Variants in EPC1 observed in about 807,000 individuals in gnomAD.
EPC1 encodes enhancer of polycomb 1, also known as enhancer of polycomb homolog 1.
EPC1 carries 12 observed loss-of-function variants against 98.4 expected under a neutral mutation model. The ratio of observed to expected loss-of-function variants is 0.12; its 90% CI spans 0.08 to 0.20. The LOEUF (loss-of-function observed/expected upper bound fraction) is 0.20, where lower values mean the gene tolerates loss of function less well. EPC1 is among the 10% of genes least tolerant of loss of function. The pLI, the probability that EPC1 is intolerant of heterozygous loss-of-function variation, is 1.00. For synonymous variants in EPC1, 357 were observed against 363.9 expected (o/e 0.98, Z 0.21); for missense variants, 729 against 990.5 (o/e 0.74, Z 3.54).
At chr10:32,274,365 T>C (rs763886447) in intron 10 of EPC1, among the ~76,000 whole-genome samples, 3 of 152,172 alleles carry the variant, frequency 2.0e-5, no homozygotes, top group African/African-American at 4.8e-5. Flanking sequence ...TTAGTTAGAA[T>C]ATCACTTCAA....
intron 1 of EPC1, among the ~76,000 whole-genome samples, chr10:32,336,312 C>A (rs201523079): frequency 1.4e-5 from 2 of 143,760 alleles, no homozygotes; most frequent in African/African-American, 2.5e-5. Context: ...TCGTGATCCA[C>A]CTGCCTCGGC....
chr10:32,348,366 G>T (rs943876038), upstream of EPC1, among the ~76,000 whole-genome samples: 5 of 152,064 alleles, frequency 3.3e-5, no homozygotes, highest in Admixed American at 6.6e-5. Context: ...GCACAATTTT[G>T]TATCTTGTGC....
chr10:32,373,614 C>T (rs1007647812), intron 1 of EPC1, among the ~76,000 whole-genome samples: 4 of 152,084 alleles, frequency 2.6e-5, no homozygotes, highest in African/African-American at 4.8e-5. Flanking sequence ...AAACACTGTG[C>T]TATGGGGCTT....
chr10:32,355,535 C>T (rs745933298), intron 1 of EPC1, among the ~76,000 whole-genome samples: 10 of 150,416 alleles, frequency 6.6e-5, no homozygotes, highest in Non-Finnish European at 1.2e-4. Context: ...TATGTGTAGG[C>T]CAGGCATTGG....
At chr10:32,319,871 G>A (rs1037411694) in intron 1 of EPC1, among the ~76,000 whole-genome samples, 2 of 152,100 alleles carry the variant, frequency 1.3e-5, no homozygotes, top group East Asian at 1.9e-4. Flanking sequence ...TAGAGACAGA[G>A]TTTCACCATT....
chr10:32,357,181 G>A (rs972272682), intron 1 of EPC1, among the ~76,000 whole-genome samples: 1 of 152,124 alleles, frequency 6.6e-6, no homozygotes, highest in Admixed American at 6.5e-5. Context: ...AGTACATGAC[G>A]TATCTTCCAG....
chr10:32,375,051 G>A (rs574002479), intron 1 of EPC1, among the ~76,000 whole-genome samples: 1 of 152,172 alleles, frequency 6.6e-6, no homozygotes, highest in African/African-American at 2.4e-5. Context: ...CACATTTTGT[G>A]TATCATTTTC....
intron 2 of EPC1, among the ~76,000 whole-genome samples, chr10:32,305,425 CACTT>C (rs1316434397): frequency 2.0e-5 from 3 of 152,244 alleles, no homozygotes; most frequent in South Asian, 2.1e-4. Flanking sequence ...TGCTGACTCT[CACTT>C]ACATCAAGAA....
intron 1 of EPC1, among the ~76,000 whole-genome samples, chr10:32,309,493 C>CTTTTTTTTTTTTTTTTTTTTTT (rs67775039): frequency 7.0e-6 from 1 of 142,440 alleles, no homozygotes; most frequent in Non-Finnish European, 1.5e-5. Context: ...TATTTTCAAG[C>CTTTTTTTTTTTTTTTTTTTTTT]TTTTTTTTTT....
intron 1 of EPC1, among the ~76,000 whole-genome samples, chr10:32,324,409 T>C (rs1837135329): frequency 6.6e-6 from 1 of 151,194 alleles, no homozygotes; most frequent in Non-Finnish European, 1.5e-5. Flanking sequence ...CGGGTGCCTA[T>C]AATCCCAGCT....
intron 2 of EPC1, among the ~76,000 whole-genome samples, chr10:32,298,776 CTGGT>C (rs1431955992): frequency 6.6e-6 from 1 of 152,138 alleles, no homozygotes; most frequent in African/African-American, 2.4e-5. Context: ...ATAAAGTTCT[CTGGT>C]TGCTGTTATA....
At chr10:32,287,424 G>A in intron 6 of EPC1, 150 bp from the exon 7 acceptor site, 1 of 768,664 alleles carries the variant, frequency 1.3e-6, no homozygotes, top group Non-Finnish European at 2.1e-6. Context: ...CCATCTTATA[G>A]TGTAAAGTCT....
chr10:32,294,999 C>A (rs1254296862), intron 2 of EPC1, among the ~76,000 whole-genome samples: 1 of 152,110 alleles, frequency 6.6e-6, no homozygotes, highest in African/African-American at 2.4e-5. Context: ...TAGCACCCAG[C>A]CTGGTATCAC....
At chr10:32,299,677 T>C (rs149446518) in intron 2 of EPC1, among the ~76,000 whole-genome samples, 13 of 152,254 alleles carry the variant, frequency 8.5e-5, no homozygotes, top group Middle Eastern at 3.4e-3. Context: ...TTTAAGTCCT[T>C]CTCAGAATAT....
chr10:32,324,770 G>A (rs911428179), intron 1 of EPC1, among the ~76,000 whole-genome samples: 1 of 152,108 alleles, frequency 6.6e-6, no homozygotes, highest in Non-Finnish European at 1.5e-5. Flanking sequence ...GAGGTCGGCG[G>A]ATCACGAGGT....
At chr10:32,285,985 C>T (rs1836660561) in intron 9 of EPC1, 1 of 152,112 alleles carries the variant, frequency 6.6e-6, no homozygotes, top group Non-Finnish European at 1.5e-5. Context: ...AAAAAACCCT[C>T]TGCAATTAAG....
At chr10:32,339,139 TTA>T (rs1178657585) in intron 1 of EPC1, among the ~76,000 whole-genome samples, 1 of 152,144 alleles carries the variant, frequency 6.6e-6, no homozygotes, top group Non-Finnish European at 1.5e-5. Context: ...TCCATGCAAA[TTA>T]TGTCTACATA....
Position 32,364,001 on chromosome 10 carries a change from C to CCTTTTTTTT in EPC1, c.3+14489_3+14490insAAAAAAAAG, listed in dbSNP as rs770520611. On this transcript the variant is annotated intron_variant, in intron 1 of 13. Coordinates refer to the EPC1 transcript ENST00000375110. Reference sequence around the variant, plus strand: ...AATAGTATCGTGTCCATCATGTTGGCATTTTTTTTTTTTTTTTTTTTTTTT... The same window carrying CCTTTTTTTT: ...AATAGTATCGTGTCCATCATGTTGGCCTTTTTTTTATTTTTTTTTTTTTTTTTTTTTTTT... Among the ~76,000 whole-genome samples, 77 of 61,858 alleles carry CCTTTTTTTT rather than the reference C, an allele frequency of 1.2e-3. 36 individuals are homozygous for CCTTTTTTTT. Among genetic ancestry groups the CCTTTTTTTT allele is most frequent in the Middle Eastern group, 0.026 (2 of 78 alleles). 40.6% of individuals were successfully genotyped at this position (61,858 alleles called of 152,430 possible). A position where few individuals can be genotyped will look rare whatever the true frequency, so the allele number is the denominator to read the frequency against.
At chr10:32,345,020 A>T in intron 1 of EPC1, 1 of 484,608 alleles carries the variant, frequency 2.1e-6, no homozygotes, top group Non-Finnish European at 2.7e-6. Context: ...ATTACAAATT[A>T]ATTTCCAGGG....
Sources: gnomAD v4.1 joint callset for allele counts (sites outside exome capture counted in the v4.1 genomes callset) on GRCh38, gnomAD v4.1.1 for gene constraint, MANE v1.5 for transcripts, NCBI Gene and HGNC (gene_info 2026-07-23, HGNC 2026-07-21) for gene names.